EHMT1: variants seen among roughly 807,000 people sequenced by gnomAD.
EHMT1 encodes the protein histone-lysine N-methyltransferase EHMT1.
In EHMT1, 15 loss-of-function variants were observed where a neutral mutation model predicts 147.2. The ratio of observed to expected loss-of-function variants is 0.10; its 90% confidence interval spans 0.07 to 0.16. The LOEUF (loss-of-function observed/expected upper bound fraction) is 0.16, where lower values mean the gene tolerates loss of function less well. EHMT1 is among the 10% of genes least tolerant of loss of function. EHMT1 has a pLI of 1.00. For synonymous variants in EHMT1, 795 were observed against 709.6 expected (o/e 1.12, Z -1.91); for missense variants, 1,587 against 1,772.4 (o/e 0.90, Z 1.88).
chr9:137,724,965 G>GTGGCAGGTGTGTGGCATTCAT (rs1946460589), intron 3 of EHMT1, among the ~76,000 whole-genome samples: 1 of 151,178 alleles, frequency 6.6e-6, no homozygotes, highest in African/African-American at 2.4e-5. Flanking sequence ...TGGCATTCAT[G>GTGGCAGGTGTGTGGCATTCAT]GGGCATTCGT....
At chr9:137,744,580 A>G (rs1948393263) in intron 6 of EHMT1, among the ~76,000 whole-genome samples, 1 of 152,202 alleles carries the variant, frequency 6.6e-6, no homozygotes, top group Non-Finnish European at 1.5e-5. Context: ...TCAGTCTCCC[A>G]GTGTTGGGAA....
At chr9:137,769,161 G>GT (rs1285035924) in intron 10 of EHMT1, among the ~76,000 whole-genome samples, 2 of 152,180 alleles carry the variant, frequency 1.3e-5, no homozygotes, top group Non-Finnish European at 2.9e-5. Flanking sequence ...AACATACAGT[G>GT]TAAGAATCTT....
At chr9:137,649,790 G>A (rs1049313654) in intron 1 of EHMT1, among the ~76,000 whole-genome samples, 2 of 152,162 alleles carry the variant, frequency 1.3e-5, no homozygotes, top group East Asian at 3.9e-4. Flanking sequence ...GAGGGACCAC[G>A]CCCTGCCAGC....
chr9:137,638,904 A>T (rs1465210584), intron 1 of EHMT1, among the ~76,000 whole-genome samples: 3 of 152,128 alleles, frequency 2.0e-5, no homozygotes, highest in Non-Finnish European at 4.4e-5. Context: ...AGGGGATGGC[A>T]CTCCAAAGCC....
At position 137,835,673 on chromosome 9, in the gene EHMT1, A is replaced by G. The variant is rs1450912077; in HGVS notation, c.*720A>G. 1 of 152,668 alleles carries G rather than the reference A, an allele frequency of 6.6e-6. No individual in the cohort carries two copies. Among genetic ancestry groups the G allele is most frequent in the Non-Finnish European group, 1.5e-5 (1 of 68,044 alleles). 9.5% of individuals were successfully genotyped at this position (152,668 alleles called of 1,614,324 possible). On this transcript the variant is annotated 3_prime_UTR_variant, in exon 27 of 27. Coordinates refer to ENST00000460843, the MANE Select transcript of EHMT1 (RefSeq NM_024757.5). ...TTTTAAGCCACATGCTATGATGAAT[A>G]AACTGATTTATTTTCTACCATTACT...
chr9:137,678,542 G>A (rs1359230693), intron 1 of EHMT1, among the ~76,000 whole-genome samples: 3 of 152,130 alleles, frequency 2.0e-5, no homozygotes, highest in African/African-American at 7.2e-5. Flanking sequence ...GTCTCGCCGC[G>A]TTGGGATAGC....
chr9:137,736,750 G>A (rs758452812), intron 4 of EHMT1, among the ~76,000 whole-genome samples: 1 of 152,302 alleles, frequency 6.6e-6, no homozygotes, highest in Admixed American at 6.5e-5. Context: ...AATTAGCTGG[G>A]CGTGGTGGCA....
intron 18 of EHMT1, chr9:137,802,297 G>T: frequency 5.0e-6 from 2 of 398,640 alleles, no homozygotes; most frequent in African/African-American, 2.1e-5. Context: ...GGGTTCAGAA[G>T]CCAGAAATGG....
chr9:137,757,408 C>T (rs1011000122), intron 8 of EHMT1, among the ~76,000 whole-genome samples: 3 of 152,258 alleles, frequency 2.0e-5, no homozygotes. Context: ...TGCTTTCTCT[C>T]TGACACAGAT....
rs770070310 is a variant in EHMT1, at chr9:137,818,154, G to A, written c.3540+16G>A. 3 of 1,613,832 alleles carry A rather than the reference G, an allele frequency of 1.9e-6. No homozygotes were observed. The African/African-American group carries it at 4.0e-5, about 22-fold the overall frequency. On this transcript the variant is annotated intron_variant, in intron 25 of 26. Coordinates refer to ENST00000460843, the MANE Select transcript of EHMT1 (RefSeq NM_024757.5). ...CGACAATAAGGTAATGTGTTTTGTG[G>A]GGTTGGGGCCACGCAGAACTTGTGA...
chr9:137,716,801 A>C lies in EHMT1; in HGVS notation c.261A>C (p.Thr87=). ...TCAACCCCCAGGATGGCACCAACAC[A>C]CTAACTCGGATAGCGGAAAATGGGG... is the stretch of plus-strand genomic sequence containing the variant. ...ARVNPQDGTN[T]LTRIAENGVS... The change falls in exon 3 of 27, where the codon ACA becomes ACC. Residue 87 remains threonine (T), a synonymous_variant. Transcript: ENST00000460843. 2 of 1,613,306 alleles carry C rather than the reference A, an allele frequency of 1.2e-6. No individual in the cohort carries two copies. The highest frequency in any genetic ancestry group is 1.7e-6 in the Non-Finnish European group (2 of 1,179,878).
intron 1 of EHMT1, among the ~76,000 whole-genome samples, chr9:137,693,423 T>G (rs1222033719): frequency 6.6e-6 from 1 of 152,172 alleles, no homozygotes; most frequent in African/African-American, 2.4e-5. Flanking sequence ...GTTGTTCCCA[T>G]TTTACTGCAG....
chr9:137,679,362 A>G (rs1311390209), intron 1 of EHMT1, among the ~76,000 whole-genome samples: 1 of 151,844 alleles, frequency 6.6e-6, no homozygotes, highest in Non-Finnish European at 1.5e-5. Flanking sequence ...GCTGCGATTG[A>G]TCTTCAGGTT....
intron 9 of EHMT1, among the ~76,000 whole-genome samples, chr9:137,761,084 A>C (rs1436808128): frequency 6.6e-6 from 1 of 152,242 alleles, no homozygotes; most frequent in African/African-American, 2.4e-5. Flanking sequence ...TGAACGAGGC[A>C]GCTCCAAACC....
chr9:137,623,957 C>CGGCA (rs1383437956), intron 1 of EHMT1, among the ~76,000 whole-genome samples: 1 of 151,512 alleles, frequency 6.6e-6, no homozygotes, highest in Non-Finnish European at 1.5e-5. Flanking sequence ...GTACCTGGGA[C>CGGCA]GGCAGGTGTG....
intron 1 of EHMT1, among the ~76,000 whole-genome samples, chr9:137,631,150 C>T (rs753535904): frequency 7.2e-5 from 11 of 152,038 alleles, no homozygotes; most frequent in Non-Finnish European, 1.2e-4. Context: ...TTTGGGAGGC[C>T]GAGGCGGGTG....
At chr9:137,628,172 C>G (rs994797244) in intron 1 of EHMT1, among the ~76,000 whole-genome samples, 1 of 152,202 alleles carries the variant, frequency 6.6e-6, no homozygotes, top group African/African-American at 2.4e-5. Flanking sequence ...TGTCCCCACC[C>G]TTCTGTGTTT....
In EHMT1 at chr9:137,762,898, C is replaced by T. The variant is rs41302691; in HGVS notation, c.1647+78C>T. 0.027 allele frequency: 43,044 copies of T among 1,593,984 alleles called. 673 individuals are homozygous for T. The highest frequency in any genetic ancestry group is 0.066 in the Middle Eastern group (323 of 4,880). Reference sequence around the variant, plus strand: ...CCAGCCCAGCAGGGGCCCCGACAGCCCCTCGAGTGAGTTGTGCTGCGTGAC... The same window carrying T: ...CCAGCCCAGCAGGGGCCCCGACAGCTCCTCGAGTGAGTTGTGCTGCGTGAC... On this transcript the variant is annotated intron_variant, in intron 10 of 26. Coordinates refer to ENST00000460843, the MANE Select transcript of EHMT1 (RefSeq NM_024757.5).
intron 1 of EHMT1, among the ~76,000 whole-genome samples, chr9:137,692,206 A>C (rs1394241510): frequency 6.6e-6 from 1 of 151,772 alleles, no homozygotes; most frequent in Non-Finnish European, 1.5e-5. Context: ...TGGATCTTTC[A>C]CATGGCATGT....
Sources: gnomAD v4.1 joint callset for allele counts (sites outside exome capture counted in the v4.1 genomes callset) on GRCh38, gnomAD v4.1.1 for gene constraint, MANE v1.5 for transcripts, NCBI Gene and HGNC (gene_info 2026-07-23, HGNC 2026-07-21) for gene names.